The following SLC35F3 variants were observed in gnomAD, a reference collection of about 807,000 sequenced individuals.
SLC35F3 encodes the protein solute carrier family 35 member F3.
In SLC35F3, 25 loss-of-function variants were observed where a neutral mutation model predicts 49.9. The observed-to-expected ratio is 0.50, with a 90% CI of 0.37 to 0.70. The LOEUF is 0.70. Ranked by LOEUF, SLC35F3 falls within the 30% of genes least tolerant of loss-of-function variation. The pLI, the probability that SLC35F3 is intolerant of heterozygous loss-of-function variation, is 0.00. For missense variants in SLC35F3, 525 were observed against 639.8 expected, an observed-to-expected ratio of 0.82 and a Z score of 1.94; for synonymous variants, 275 against 265.4, an observed-to-expected ratio of 1.04 and a Z score of -0.35.
At chr1:233,963,247 C>G (rs1337845840) in intron 2 of SLC35F3, among the ~76,000 whole-genome samples, 1 of 152,034 alleles carries the variant, frequency 6.6e-6, no homozygotes, top group African/African-American at 2.4e-5. Flanking sequence ...CTATTTCTCC[C>G]CATTGTGGAG....
intron 2 of SLC35F3, among the ~76,000 whole-genome samples, chr1:234,200,850 A>T (rs1199294102): frequency 2.0e-5 from 3 of 152,168 alleles, no homozygotes; most frequent in Non-Finnish European, 4.4e-5. Context: ...TTGGCTGTTT[A>T]TGCACTTCTG....
intron 2 of SLC35F3, among the ~76,000 whole-genome samples, chr1:234,087,743 G>A (rs1664981846): frequency 6.6e-6 from 1 of 152,018 alleles, no homozygotes; most frequent in Admixed American, 6.6e-5. Context: ...GTGAAGTCCC[G>A]GGTGGTCTAA....
intron 3 of SLC35F3, among the ~76,000 whole-genome samples, chr1:234,294,021 C>T (rs1389573261): frequency 6.6e-6 from 1 of 152,202 alleles, no homozygotes; most frequent in Admixed American, 6.5e-5. Context: ...TTTCTAAAAG[C>T]ATAAATCATA....
rs530519015 is a variant in SLC35F3 at position 234,185,983 on chromosome 1, A to G, written c.284-45434A>G. Reference sequence around the variant, plus strand: ...CTGTAAAAAGATTCCTAGTTTACCTACTGACTGCCATAGGCTGAGTGCCGC... The same window carrying G: ...CTGTAAAAAGATTCCTAGTTTACCTGCTGACTGCCATAGGCTGAGTGCCGC... On this transcript the variant is annotated intron_variant, in intron 2 of 7. Coordinates refer to ENST00000366618, the MANE Select transcript of SLC35F3 (RefSeq NM_173508.4). 4.2e-4 allele frequency among the ~76,000 whole-genome samples: 64 copies of G among 152,336 alleles called. No individual in the cohort carries two copies. In the South Asian group the frequency reaches 9.3e-3, roughly 22 times the overall value.
chr1:233,960,226 A>G (rs72753780), intron 2 of SLC35F3, among the ~76,000 whole-genome samples: 25,794 of 152,136 alleles, frequency 0.17, 2,901 homozygotes, highest in Non-Finnish European at 0.25. Flanking sequence ...CTTCACCTAA[A>G]TGAGCAGCTG....
At chr1:234,215,752 T>C (rs61822417) in intron 2 of SLC35F3, among the ~76,000 whole-genome samples, 36,056 of 152,124 alleles carry the variant, frequency 0.24, 4,744 homozygotes, top group African/African-American at 0.33. Context: ...ATCCCAAGCT[T>C]AGCTGTCCAC....
At chr1:234,215,570 G>A (rs1667109576) in intron 2 of SLC35F3, among the ~76,000 whole-genome samples, 1 of 152,206 alleles carries the variant, frequency 6.6e-6, no homozygotes, top group Non-Finnish European at 1.5e-5. Context: ...GAGCATCAGC[G>A]GTGAATGAGG....
intron 2 of SLC35F3, among the ~76,000 whole-genome samples, chr1:234,073,688 G>C (rs1558221890): frequency 1.3e-5 from 2 of 152,086 alleles, no homozygotes; most frequent in Non-Finnish European, 1.5e-5. Context: ...ATAAATATAT[G>C]ATACATACCA....
At chr1:234,216,227 G>T (rs1452177279) in intron 2 of SLC35F3, among the ~76,000 whole-genome samples, 1 of 152,174 alleles carries the variant, frequency 6.6e-6, no homozygotes, top group East Asian at 1.9e-4. Flanking sequence ...CACTCATAGG[G>T]TCCTCATGGG....
chr1:234,267,499 G>A (rs1668006601), intron 3 of SLC35F3, among the ~76,000 whole-genome samples: 2 of 148,754 alleles, frequency 1.3e-5, no homozygotes, highest in Non-Finnish European at 1.5e-5. Context: ...CGGCTGGCCG[G>A]GCGGGGGGCT....
chr1:234,316,523 T>G, intron 4 of SLC35F3, 79 bp from the exon 5 acceptor site: 1 of 1,524,992 alleles, frequency 6.6e-7, no homozygotes, highest in Non-Finnish European at 8.9e-7. Context: ...CCACGCACAT[T>G]TCCAGCTCTT....
At chr1:234,146,479 C>CTATTTTTTTTTTTTTTTTTTTTTTTTTT (rs1665996884) in intron 2 of SLC35F3, among the ~76,000 whole-genome samples, 1 of 91,698 alleles carries the variant, frequency 1.1e-5, no homozygotes, top group East Asian at 1.2e-3. Flanking sequence ...AAGATATTTG[C>CTATTTTTTTTTTTTTTTTTTTTTTTTTT]TCTTTTTTTT....
At chr1:234,022,167 C>T (rs1026928481) in intron 2 of SLC35F3, among the ~76,000 whole-genome samples, 21 of 152,174 alleles carry the variant, frequency 1.4e-4, no homozygotes, top group African/African-American at 5.1e-4. Flanking sequence ...AAGCATGATT[C>T]CCCTGAACCG....
chr1:233,974,070 GA>G (rs1486483278), intron 2 of SLC35F3, among the ~76,000 whole-genome samples: 1 of 151,074 alleles, frequency 6.6e-6, no homozygotes, highest in Non-Finnish European at 1.5e-5. Flanking sequence ...AACTTTATCT[GA>G]TGGCAATGTT....
intron 2 of SLC35F3, among the ~76,000 whole-genome samples, chr1:234,207,757 T>A (rs899106078): frequency 4.6e-5 from 7 of 152,124 alleles, no homozygotes; most frequent in African/African-American, 1.7e-4. Context: ...ATCCTAGTGC[T>A]TTGAGAGTCC....
chr1:234,277,944 AGTT>A (rs1240535184), intron 3 of SLC35F3, among the ~76,000 whole-genome samples: 1 of 152,022 alleles, frequency 6.6e-6, no homozygotes, highest in Non-Finnish European at 1.5e-5. Context: ...CTGTAATCTC[AGTT>A]GTTTGGGAAG....
At chr1:234,194,698 T>C (rs1392308901) in intron 2 of SLC35F3, among the ~76,000 whole-genome samples, 1 of 152,056 alleles carries the variant, frequency 6.6e-6, no homozygotes, top group East Asian at 1.9e-4. Context: ...GAAACATATG[T>C]GGGTGTCAAC....
At chr1:234,257,717 G>C (rs1667841835) in intron 3 of SLC35F3, among the ~76,000 whole-genome samples, 1 of 151,258 alleles carries the variant, frequency 6.6e-6, no homozygotes. Context: ...CAAGAAAGAG[G>C]ATGCATTTTA....
In SLC35F3 at chr1:234,269,277, G is replaced by A. The variant is rs923537663; in HGVS notation, c.608+37536G>A. Among the ~76,000 whole-genome samples, 5 of 152,266 alleles carry A rather than the reference G, an allele frequency of 3.3e-5. No individual in the cohort carries two copies. In the East Asian group the frequency reaches 5.8e-4, roughly 18 times the overall value. ...AAAAAGGGGCCTCACCCTTCCCACA[G>A]CTGGTGAGATTATCAAACCATGATT... On this transcript the variant is annotated intron_variant, in intron 3 of 7. Coordinates refer to ENST00000366618, the MANE Select transcript of SLC35F3 (RefSeq NM_173508.4).
Sources: allele counts gnomAD v4.1 joint callset (sites outside exome capture counted in the v4.1 genomes callset), GRCh38; gene constraint gnomAD v4.1.1; transcripts MANE v1.5; gene names NCBI Gene and HGNC (gene_info 2026-07-23, HGNC 2026-07-21).